The following NDE1 variants were observed in gnomAD, a reference collection of about 807,000 sequenced individuals.
The protein encoded by NDE1 is nudE neurodevelopment protein 1, also known as nuclear distribution protein nudE homolog 1.
A neutral mutation model predicts 43.4 loss-of-function variants in NDE1; 28 were observed. The ratio of observed to expected loss-of-function variants is 0.65; its 90% CI spans 0.48 to 0.89. The LOEUF is 0.89. Among genes scored for constraint, NDE1 ranks in the 40% least tolerant of loss-of-function variants. NDE1 has a pLI of 0.00. For missense variants in NDE1, 441 were observed against 434.1 expected (o/e 1.02, Z -0.14); for synonymous variants, 184 against 172.0 (o/e 1.07, Z -0.55).
intron 4 of NDE1, among the ~76,000 whole-genome samples, chr16:15,685,164 TTA>T (rs1299950457): frequency 1.3e-5 from 2 of 152,254 alleles, no homozygotes; most frequent in African/African-American, 4.8e-5. Context: ...TGTGAATATT[TTA>T]TCTTTGATAT....
chr16:15,681,296 C>T (rs1396288201), intron 4 of NDE1, among the ~76,000 whole-genome samples: 8 of 73,860 alleles, frequency 1.1e-4, no homozygotes, highest in Admixed American at 4.3e-4. Context: ...GACTGGGCCT[C>T]GCTCCATTGC....
intron 8 of NDE1, among the ~76,000 whole-genome samples, chr16:15,707,724 C>T (rs893376673): frequency 2.6e-5 from 4 of 152,166 alleles, no homozygotes; most frequent in African/African-American, 9.7e-5. Context: ...GTAATCCCAG[C>T]ATTTGGGGAG....
At chr16:15,686,194 C>T (rs1359393829) in intron 4 of NDE1, among the ~76,000 whole-genome samples, 1 of 152,062 alleles carries the variant, frequency 6.6e-6, no homozygotes, top group Non-Finnish European at 1.5e-5. Flanking sequence ...TCAAGTGATC[C>T]GCCCGCCTCG....
intron 8 of NDE1, among the ~76,000 whole-genome samples, chr16:15,716,685 C>G (rs1454581569): frequency 6.6e-6 from 1 of 152,154 alleles, no homozygotes. Context: ...CCACACTCGG[C>G]TAATTTTTGG....
intron 8 of NDE1, chr16:15,712,882 G>A (rs1046059387): frequency 5.5e-5 from 5 of 90,636 alleles, no homozygotes; most frequent in Non-Finnish European, 9.1e-5. Context: ...TTCACATACA[G>A]TTTTTTTTTT....
chr16:15,717,997 T>C (rs2040256027), intron 8 of NDE1: 2 of 449,110 alleles, frequency 4.5e-6, no homozygotes, highest in East Asian at 4.5e-5. Flanking sequence ...CTGGATAAGG[T>C]CAGAGCTTCA....
In NDE1 at chr16:15,724,725, G is replaced by A; in HGVS notation, c.*474G>A. 1 of 1,614,188 alleles carries A rather than the reference G, an allele frequency of 6.2e-7. No homozygotes were observed. On this transcript the variant is annotated 3_prime_UTR_variant, in exon 9 of 9. Coordinates refer to ENST00000396354, the MANE Select transcript of NDE1 (RefSeq NM_017668.3). ...CCTCGTCCAGCTGGTCTTGCAGGCT[G>A]TTCCGCTCCTCCTCCAGCTGGCGCA...
chr16:15,701,419 G>T (rs2039217372), intron 8 of NDE1: 1 of 152,186 alleles, frequency 6.6e-6, no homozygotes, highest in African/African-American at 2.4e-5. Context: ...CCCCTGGTGG[G>T]GTGGGGGGAA....
chr16:15,685,953 AT>A (rs112767652), intron 4 of NDE1, among the ~76,000 whole-genome samples: 1,428 of 138,018 alleles, frequency 0.01, 6 homozygotes, highest in Middle Eastern at 0.029. Context: ...TTCCTGTAGG[AT>A]TTTTTTTTTT....
chr16:15,696,644 A>G, intron 7 of NDE1, 65 bp from the exon 8 acceptor site: 1 of 1,613,094 alleles, frequency 6.2e-7, no homozygotes, highest in Non-Finnish European at 8.5e-7. Context: ...TCTTCTGTAC[A>G]GGCTCTGGTA....
In NDE1 at chr16:15,687,530, C is replaced by T. The variant is rs372287547; in HGVS notation, c.523+19C>T. ...GCCAGAGGTCAGGAGGCCTTGGTGT[C>T]TTCACCAGCATGGTCCCCTCTCCCT... On this transcript the variant is annotated intron_variant, in intron 5 of 8. Coordinates refer to ENST00000396354, the MANE Select transcript of NDE1 (RefSeq NM_017668.3). 2 of 1,603,224 alleles carry T rather than the reference C, an allele frequency of 1.2e-6. No individual in the cohort carries two copies. The highest frequency in any genetic ancestry group is 2.2e-5 in the East Asian group (1 of 44,804).
chr16:15,653,289 C>G (rs1273818000), intron 1 of NDE1, among the ~76,000 whole-genome samples: 1 of 152,152 alleles, frequency 6.6e-6, no homozygotes, highest in East Asian at 1.9e-4. Flanking sequence ...AACATGGGTC[C>G]TTGCCTGCCT....
chr16:15,714,352 A>G (rs2039992511), intron 8 of NDE1: 1 of 165,582 alleles, frequency 6.0e-6, no homozygotes, highest in Admixed American at 5.7e-5. Context: ...TGGTTGTCAC[A>G]TTGCAGGGTG....
intron 8 of NDE1, chr16:15,708,918 TAA>T (rs924517589): frequency 2.5e-5 from 34 of 1,375,282 alleles, no homozygotes; most frequent in Non-Finnish European, 3.2e-5. Flanking sequence ...TCTTAATTGT[TAA>T]AGACATTTGC....
At chr16:15,722,270 CAAGTAGCTATTA>C (rs1567697255) in intron 8 of NDE1, among the ~76,000 whole-genome samples, 2 of 152,134 alleles carry the variant, frequency 1.3e-5, no homozygotes, top group African/African-American at 4.8e-5. Context: ...TTCATGGCCA[CAAGTAGCTATTA>C]ATATCTTACA....
At chr16:15,694,639 C>T (rs1281369586) in intron 7 of NDE1, 21 of 985,174 alleles carry the variant, frequency 2.1e-5, no homozygotes, top group Middle Eastern at 5.2e-4. Context: ...TGAGCCAATG[C>T]GTCCAGCCCC....
upstream of NDE1, among the ~76,000 whole-genome samples, chr16:15,647,318 G>A (rs994655384): frequency 1.3e-5 from 2 of 152,186 alleles, no homozygotes; most frequent in African/African-American, 4.8e-5. Context: ...AGATCTCTTT[G>A]CCTCTAGCAT....
At chr16:15,702,379 A>G (rs1225314870) in intron 8 of NDE1, among the ~76,000 whole-genome samples, 2 of 152,142 alleles carry the variant, frequency 1.3e-5, no homozygotes, top group Admixed American at 1.3e-4. Flanking sequence ...CTAAAATACT[A>G]TCTGGCTGGG....
intron 8 of NDE1, among the ~76,000 whole-genome samples, chr16:15,723,641 G>C (rs1034206010): frequency 6.6e-6 from 1 of 152,120 alleles, no homozygotes; most frequent in Non-Finnish European, 1.5e-5. Context: ...GCTAGATCCT[G>C]TCTCAAAATA....
Sources: gnomAD v4.1 joint callset for allele counts (sites outside exome capture counted in the v4.1 genomes callset) on GRCh38, gnomAD v4.1.1 for gene constraint, MANE v1.5 for transcripts, NCBI Gene and HGNC (gene_info 2026-07-23, HGNC 2026-07-21) for gene names.